NRXN1: variants seen among roughly 807,000 people sequenced by gnomAD.
NRXN1 encodes neurexin 1.
In NRXN1, 39 loss-of-function variants were observed where a neutral mutation model predicts 150.9. The observed-to-expected ratio is 0.26, with a 90% confidence interval of 0.20 to 0.34. The LOEUF (loss-of-function observed/expected upper bound fraction) is 0.34. Ranked by LOEUF, NRXN1 falls within the 10% of genes least tolerant of loss-of-function variation. NRXN1 has a pLI of 1.00. For synonymous variants in NRXN1, 924 were observed against 757.0 expected, an observed-to-expected ratio of 1.22 and a Z score of -3.62; for missense variants, 1,815 against 1,949.9, an observed-to-expected ratio of 0.93 and a Z score of 1.30.
intron 5 of NRXN1, among the ~76,000 whole-genome samples, chr2:50,666,007 C>T (rs1035896719): frequency 1.3e-5 from 2 of 151,752 alleles, no homozygotes; most frequent in African/African-American, 2.4e-5. Context: ...AACAAGCATA[C>T]CTATCACCCC....
intron 17 of NRXN1, among the ~76,000 whole-genome samples, chr2:50,245,543 T>G (rs928694662): frequency 1.5e-4 from 23 of 151,936 alleles, no homozygotes; most frequent in African/African-American, 5.3e-4. Flanking sequence ...TCAGGAACTT[T>G]AAGAAAAATC....
intron 21 of NRXN1, among the ~76,000 whole-genome samples, chr2:49,969,139 A>G (rs1573119973): frequency 6.6e-6 from 1 of 152,142 alleles, no homozygotes. Flanking sequence ...GGCTTGCTAT[A>G]TGTACTTTTA....
chr2:50,632,532 C>G (rs1014452124), intron 5 of NRXN1: 1 of 151,976 alleles, frequency 6.6e-6, no homozygotes, highest in Non-Finnish European at 1.5e-5. Flanking sequence ...AATTTCAAGG[C>G]CCCCTCGACC....
chr2:50,053,490 A>G lies in NRXN1; in HGVS notation c.3909T>C (p.Asn1303=), dbSNP rs1693084127. Residue 1303 remains asparagine (N), a synonymous_variant, in exon 21 of 23, where the codon AAT becomes AAC. Coordinates refer to ENST00000401669, the MANE Select transcript of NRXN1 (RefSeq NM_001330078.2). ...FQGQLSGLYY[N]GLKVLNMAAE... ...CTGCCATATTCAGAACTTTCAAGCC[A>G]TTGTAGTACAGCCCAGAGAGCTGGC... is the stretch of plus-strand genomic sequence containing the variant. 1.9e-6 allele frequency: 3 copies of G among 1,613,954 alleles called. No homozygotes were observed. The highest frequency in any genetic ancestry group is 1.7e-5 in the Admixed American group (1 of 59,982).
At chr2:50,873,754 T>A (rs1410716614) in intron 5 of NRXN1, among the ~76,000 whole-genome samples, 2 of 151,886 alleles carry the variant, frequency 1.3e-5, no homozygotes, top group Non-Finnish European at 2.9e-5. Flanking sequence ...TTCCATATTG[T>A]ACATTGAAAA....
chr2:50,874,160 C>T (rs192095520), intron 5 of NRXN1, among the ~76,000 whole-genome samples: 48 of 151,946 alleles, frequency 3.2e-4, no homozygotes, highest in African/African-American at 1.0e-3. Context: ...AAGTGTTTTG[C>T]AAAGAATGAC....
At chr2:50,174,481 G>C (rs753844609) in intron 18 of NRXN1, among the ~76,000 whole-genome samples, 31 of 152,088 alleles carry the variant, frequency 2.0e-4, no homozygotes, top group Admixed American at 3.9e-4. Flanking sequence ...TAAAAACCAA[G>C]TAAGGATGTG....
At chr2:50,601,689 T>A (rs767750449) in intron 8 of NRXN1, among the ~76,000 whole-genome samples, 2 of 152,210 alleles carry the variant, frequency 1.3e-5, no homozygotes, top group African/African-American at 4.8e-5. Flanking sequence ...TTAGTGGACT[T>A]TCTTAAGCTT....
chr2:50,892,633 C>T (rs1041077530), intron 5 of NRXN1, among the ~76,000 whole-genome samples: 1 of 152,068 alleles, frequency 6.6e-6, no homozygotes, highest in African/African-American at 2.4e-5. Flanking sequence ...AATTCTTAAA[C>T]CATTGATAAA....
At chr2:50,530,050 G>T (rs2105197490) in intron 11 of NRXN1, among the ~76,000 whole-genome samples, 1 of 152,110 alleles carries the variant, frequency 6.6e-6, no homozygotes, top group South Asian at 2.1e-4. Flanking sequence ...CTTTTTTGGG[G>T]TAAATCTATG....
chr2:50,990,806 G>A (rs927315970), intron 2 of NRXN1, among the ~76,000 whole-genome samples: 3 of 151,988 alleles, frequency 2.0e-5, no homozygotes, highest in Non-Finnish European at 4.4e-5. Context: ...AGGAGCTGAA[G>A]TGTCGTAGTG....
Position 50,401,134 on chromosome 2 carries a change from T to A in NRXN1, c.3364+64308A>T, listed in dbSNP as rs924462037. 5.9e-5 allele frequency among the ~76,000 whole-genome samples: 9 copies of A among 152,208 alleles called. No homozygotes were observed. The South Asian group carries it at 1.0e-3, about 18-fold the overall frequency. ...TATTTTTGGCCCTGTTATCAAAATATGTTCATATTAGATACCAAGCGCTTT... is the reference window on the plus strand; with the variant it reads ...TATTTTTGGCCCTGTTATCAAAATAAGTTCATATTAGATACCAAGCGCTTT... On this transcript the variant is annotated intron_variant, in intron 17 of 22. Coordinates refer to ENST00000401669, the MANE Select transcript of NRXN1 (RefSeq NM_001330078.2).
At chr2:50,392,520 T>C (rs1490617139) in intron 17 of NRXN1, among the ~76,000 whole-genome samples, 3 of 152,166 alleles carry the variant, frequency 2.0e-5, no homozygotes, top group Admixed American at 6.6e-5. Flanking sequence ...AGATGTCTTT[T>C]ACAAAGATAT....
intron 21 of NRXN1, among the ~76,000 whole-genome samples, chr2:49,946,648 C>T (rs1455396291): frequency 6.6e-6 from 1 of 152,118 alleles, no homozygotes; most frequent in Non-Finnish European, 1.5e-5. Context: ...GAATCCTTTC[C>T]TCATTCCTTG....
At position 50,351,694 on chromosome 2, in the gene NRXN1, T is replaced by C. The variant is rs575999855; in HGVS notation, c.3364+113748A>G. 5.8e-4 allele frequency among the ~76,000 whole-genome samples: 89 copies of C among 152,232 alleles called. 2 individuals are homozygous for C. In the South Asian group the frequency reaches 0.01, roughly 17 times the overall value. ...ATTTCTAGCACACTACTCTGAGTGATTTAAATGAATTAATTCATATAATCA... is the reference window on the plus strand; with the variant it reads ...ATTTCTAGCACACTACTCTGAGTGACTTAAATGAATTAATTCATATAATCA... On this transcript the variant is annotated intron_variant, in intron 17 of 22. Transcript: ENST00000401669.
chr2:50,441,101 C>T (rs1216482940), intron 17 of NRXN1, among the ~76,000 whole-genome samples: 2 of 152,210 alleles, frequency 1.3e-5, no homozygotes, highest in African/African-American at 4.8e-5. Flanking sequence ...GCCTTTTCTT[C>T]TACAGAATTT....
At chr2:50,699,762 C>T (rs543438046) in intron 5 of NRXN1, among the ~76,000 whole-genome samples, 2 of 152,058 alleles carry the variant, frequency 1.3e-5, no homozygotes, top group South Asian at 2.1e-4. Context: ...GAGGACCTAC[C>T]CTAGACACAT....
chr2:50,675,052 C>T (rs1006713508), intron 5 of NRXN1, among the ~76,000 whole-genome samples: 1 of 151,920 alleles, frequency 6.6e-6, no homozygotes, highest in African/African-American at 2.4e-5. Flanking sequence ...TTCCCTCTCG[C>T]TCCTGCTCTC....
intron 17 of NRXN1, among the ~76,000 whole-genome samples, chr2:50,326,116 GT>G (rs906546536): frequency 6.6e-6 from 1 of 151,780 alleles, no homozygotes; most frequent in African/African-American, 2.4e-5. Flanking sequence ...ACACGATTTT[GT>G]TTTTTTCATT....
Sources: allele counts gnomAD v4.1 joint callset (sites outside exome capture counted in the v4.1 genomes callset), GRCh38; gene constraint gnomAD v4.1.1; transcripts MANE v1.5; gene names NCBI Gene and HGNC (gene_info 2026-07-23, HGNC 2026-07-21).